GRM7: variants seen among roughly 807,000 people sequenced by gnomAD.
GRM7 encodes the protein metabotropic glutamate receptor 7.
A neutral mutation model predicts 84.5 loss-of-function variants in GRM7; 35 were observed. The observed-to-expected ratio is 0.41, with a 90% CI of 0.32 to 0.55. The LOEUF is 0.55. GRM7 is among the 20% of genes least tolerant of loss of function. The pLI, the probability that GRM7 is intolerant of heterozygous loss-of-function variation, is 0.19. For synonymous variants in GRM7, 487 were observed against 455.1 expected (o/e 1.07, Z -0.89); for missense variants, 1,003 against 1,194.6 (o/e 0.84, Z 2.36).
chr3:7,370,800 A>G (rs1694100465), intron 4 of GRM7, among the ~76,000 whole-genome samples: 1 of 152,176 alleles, frequency 6.6e-6, no homozygotes, highest in Non-Finnish European at 1.5e-5. Flanking sequence ...GGTGCAAGAT[A>G]AATTAAAAAT....
At chr3:6,864,257 G>T (rs971948684) in intron 1 of GRM7, among the ~76,000 whole-genome samples, 1 of 152,210 alleles carries the variant, frequency 6.6e-6, no homozygotes, top group Admixed American at 6.5e-5. Context: ...CCAACTTGTA[G>T]CTTGGGATGC....
intron 1 of GRM7, among the ~76,000 whole-genome samples, chr3:7,129,577 A>G (rs1246821727): frequency 6.6e-6 from 1 of 152,208 alleles, no homozygotes; most frequent in African/African-American, 2.4e-5. Flanking sequence ...TAACATGGAA[A>G]GACTTCACCC....
At chr3:7,366,409 G>C (rs1001672831) in intron 4 of GRM7, among the ~76,000 whole-genome samples, 5 of 151,818 alleles carry the variant, frequency 3.3e-5, no homozygotes, top group Non-Finnish European at 7.4e-5. Flanking sequence ...TGGAAAGTTT[G>C]CATTTCCTCA....
At chr3:6,965,682 TCAGGTAGA>T (rs1476177252) in intron 1 of GRM7, among the ~76,000 whole-genome samples, 1 of 152,096 alleles carries the variant, frequency 6.6e-6, no homozygotes, top group East Asian at 1.9e-4. Flanking sequence ...ACCTGATAGG[TCAGGTAGA>T]CAATGTAACA....
rs531538507 is a variant in GRM7 at position 7,689,903 on chromosome 3, T to A, written c.2698+9608T>A. On this transcript the variant is annotated intron_variant, in intron 9 of 9. Transcript: ENST00000357716. ...ACAATGCCTTCAGGGAGCTCAGATC[T>A]GATGGAAGACTCAAAGGTAAGTAAT... 3.3e-5 allele frequency among the ~76,000 whole-genome samples: 5 copies of A among 152,220 alleles called. No homozygotes were observed. The South Asian group carries it at 1.0e-3, about 32-fold the overall frequency.
At chr3:7,376,780 A>C (rs767937712) in intron 4 of GRM7, among the ~76,000 whole-genome samples, 13 of 152,080 alleles carry the variant, frequency 8.5e-5, no homozygotes, top group Non-Finnish European at 1.3e-4. Flanking sequence ...AAAATTGCTG[A>C]CCTCTGTTCT....
chr3:6,891,975 C>T (rs1226551945), intron 1 of GRM7, among the ~76,000 whole-genome samples: 3 of 152,146 alleles, frequency 2.0e-5, no homozygotes, highest in Non-Finnish European at 4.4e-5. Context: ...CGCTTCATTT[C>T]ATTCATTTCA....
chr3:7,410,118 A>G (rs17031865), intron 4 of GRM7, among the ~76,000 whole-genome samples: 5,154 of 152,184 alleles, frequency 0.034, 275 homozygotes, highest in African/African-American at 0.11. Flanking sequence ...GGTGGTGAGG[A>G]AATACTGTAA....
At position 6,905,589 on chromosome 3, in the gene GRM7, G is replaced by A. The variant is rs116869253; in HGVS notation, c.519+43682G>A. On this transcript the variant is annotated intron_variant, in intron 1 of 9. Transcript: ENST00000357716. ...CCTTCCTCTTTCTCTCTCCCTCTCCGTCTTCTGTTGGCCAATTCCAATAGA... is the reference window on the plus strand; with the variant it reads ...CCTTCCTCTTTCTCTCTCCCTCTCCATCTTCTGTTGGCCAATTCCAATAGA... Among the ~76,000 whole-genome samples, 263 of 148,772 alleles carry A rather than the reference G, an allele frequency of 1.8e-3. 4 individuals carry two copies. In the East Asian group the frequency reaches 0.044, roughly 25 times the overall value.
At chr3:7,056,932 T>TA (rs1184004809) in intron 1 of GRM7, among the ~76,000 whole-genome samples, 2 of 152,014 alleles carry the variant, frequency 1.3e-5, no homozygotes, top group African/African-American at 2.4e-5. Flanking sequence ...TTAAAGATTT[T>TA]AAAAATCTCA....
chr3:6,938,234 T>TTA (rs1697758372), intron 1 of GRM7, among the ~76,000 whole-genome samples: 1 of 152,248 alleles, frequency 6.6e-6, no homozygotes, highest in Non-Finnish European at 1.5e-5. Context: ...CTCAAATGTA[T>TTA]TATAGTGCTA....
At chr3:7,721,342 G>A (rs1360273833) in intron 9 of GRM7, among the ~76,000 whole-genome samples, 2 of 152,194 alleles carry the variant, frequency 1.3e-5, no homozygotes, top group Non-Finnish European at 2.9e-5. Flanking sequence ...TAACGTTTCT[G>A]GGGGAATGTG....
intron 1 of GRM7, among the ~76,000 whole-genome samples, chr3:6,864,163 T>C (rs191721508): frequency 6.6e-6 from 1 of 152,270 alleles, no homozygotes; most frequent in Non-Finnish European, 1.5e-5. Flanking sequence ...CAGCTATTCA[T>C]GTTGGATTGA....
At chr3:7,420,305 A>G (rs1015503904) in intron 5 of GRM7, among the ~76,000 whole-genome samples, 38 of 152,110 alleles carry the variant, frequency 2.5e-4, no homozygotes, top group Admixed American at 2.5e-3. Context: ...CTGTCATTTT[A>G]TTATTCTATT....
chr3:7,494,373 T>C (rs1306083571), intron 7 of GRM7, among the ~76,000 whole-genome samples: 1 of 152,214 alleles, frequency 6.6e-6, no homozygotes, highest in Non-Finnish European at 1.5e-5. Flanking sequence ...GCATCATTTA[T>C]CTTTGCTTTC....
chr3:7,118,173 C>T (rs1693102271), intron 1 of GRM7, among the ~76,000 whole-genome samples: 1 of 152,004 alleles, frequency 6.6e-6, no homozygotes, highest in Non-Finnish European at 1.5e-5. Flanking sequence ...ATCACTTGAG[C>T]CCAGGAGCTA....
intron 1 of GRM7, among the ~76,000 whole-genome samples, chr3:7,080,040 A>C (rs1322334702): frequency 6.6e-6 from 1 of 152,086 alleles, no homozygotes; most frequent in East Asian, 1.9e-4. Flanking sequence ...AGTACAGCCA[A>C]CCTTTTAAAA....
At chr3:6,872,450 C>T (rs393046) in intron 1 of GRM7, among the ~76,000 whole-genome samples, 84,091 of 151,778 alleles carry the variant, frequency 0.55, 23,522 homozygotes, top group Middle Eastern at 0.62. Context: ...GGATGGCTTA[C>T]GGGAGAAGAT....
At chr3:7,568,692 AGCGGGCCGGCCCTGCCGGCCCTGG>A (rs1411468305) in intron 7 of GRM7, among the ~76,000 whole-genome samples, 1 of 152,134 alleles carries the variant, frequency 6.6e-6, no homozygotes, top group Non-Finnish European at 1.5e-5. Context: ...CACTCAGAGC[AGCGGGCCGGCCCTGCCGGCCCTGG>A]GCAATGAGGG....
Sources: allele counts gnomAD v4.1 joint callset (sites outside exome capture counted in the v4.1 genomes callset), GRCh38; gene constraint gnomAD v4.1.1; transcripts MANE v1.5; gene names NCBI Gene and HGNC (gene_info 2026-07-23, HGNC 2026-07-21).